CNNM2: variants seen among roughly 807,000 people sequenced by gnomAD.
CNNM2 encodes the protein metal transporter CNNM2.
CNNM2 carries 12 observed loss-of-function variants against 66.9 expected under a neutral mutation model. The ratio of observed to expected loss-of-function variants is 0.18; its 90% confidence interval spans 0.11 to 0.29. CNNM2 has a LOEUF of 0.29. CNNM2 is among the 10% of genes least tolerant of loss of function. The pLI, the probability that CNNM2 is intolerant of heterozygous loss-of-function variation, is 1.00. For missense variants in CNNM2, 705 were observed against 1,167.7 expected, an observed-to-expected ratio of 0.60 and a Z score of 5.77; for synonymous variants, 557 against 501.8, an observed-to-expected ratio of 1.11 and a Z score of -1.47.
chr10:103,028,102 G>A (rs1005847318), intron 1 of CNNM2, among the ~76,000 whole-genome samples: 2 of 152,172 alleles, frequency 1.3e-5, no homozygotes, highest in Admixed American at 6.5e-5. Context: ...GAGCAGCCTA[G>A]ATCTGCTGAA....
At chr10:103,026,475 C>T (rs925638495) in intron 1 of CNNM2, among the ~76,000 whole-genome samples, 2 of 151,848 alleles carry the variant, frequency 1.3e-5, no homozygotes, top group Non-Finnish European at 2.9e-5. Flanking sequence ...GTTGCACATA[C>T]CTGTAGTCTC....
rs78646079 is a variant in CNNM2, at chr10:103,012,639, CTT to C, written c.1622-37047_1622-37046del. Reference sequence around the variant, plus strand: ...CTCCAGCCTGGGAAACAGAGCAAGACTTTTTTTTTTTTTTTTTTTTTTAAAGA... The same window carrying C: ...CTCCAGCCTGGGAAACAGAGCAAGACTTTTTTTTTTTTTTTTTTTTAAAGA... On this transcript the variant is annotated intron_variant, in intron 1 of 7. Coordinates refer to ENST00000369878, the MANE Select transcript of CNNM2 (RefSeq NM_017649.5). 2.2e-4 allele frequency among the ~76,000 whole-genome samples: 26 copies of C among 118,034 alleles called. No individual in the cohort carries two copies. The highest frequency in any genetic ancestry group is 2.4e-4 in the East Asian group (1 of 4,138). The allele number at this position is 118,034 out of a possible 152,430, so 77.4% of individuals were successfully genotyped here.
At chr10:103,036,584 G>A (rs747912551) in intron 1 of CNNM2, among the ~76,000 whole-genome samples, 43 of 152,130 alleles carry the variant, frequency 2.8e-4, no homozygotes, top group Admixed American at 8.5e-4. Flanking sequence ...TTATCAAATC[G>A]AGGTGGGGTC....
rs569311332 is a variant in CNNM2, at chr10:103,051,339, G to A, written c.1765+1489G>A. Among the ~76,000 whole-genome samples, 6 of 152,264 alleles carry A rather than the reference G, an allele frequency of 3.9e-5. No individual in the cohort carries two copies. The South Asian group carries it at 1.2e-3, about 32-fold the overall frequency. On this transcript the variant is annotated intron_variant, in intron 2 of 7. Coordinates refer to ENST00000369878, the MANE Select transcript of CNNM2 (RefSeq NM_017649.5). ...TCAGCTACTTGGGAGGCTGAGGCAG[G>A]AGAATCACTTGAACCCGGGAGGCGG...
chr10:103,019,359 C>T (rs2064523884), intron 1 of CNNM2, among the ~76,000 whole-genome samples: 1 of 151,230 alleles, frequency 6.6e-6, no homozygotes, highest in South Asian at 2.1e-4. Flanking sequence ...ATGGAGATCA[C>T]AAGAGGGGTT....
chr10:102,997,592 T>C (rs956328829), intron 1 of CNNM2, among the ~76,000 whole-genome samples: 12 of 152,158 alleles, frequency 7.9e-5, no homozygotes, highest in African/African-American at 2.9e-4. Context: ...AGTCACATGC[T>C]GTAGACCAAC....
At chr10:103,016,256 G>A (rs1286120392) in intron 1 of CNNM2, among the ~76,000 whole-genome samples, 1 of 151,796 alleles carries the variant, frequency 6.6e-6, no homozygotes, top group Non-Finnish European at 1.5e-5. Flanking sequence ...TTTTTCTGTT[G>A]GATTACTGAT....
chr10:103,016,689 T>C (rs927395734), intron 1 of CNNM2, among the ~76,000 whole-genome samples: 2 of 152,232 alleles, frequency 1.3e-5, no homozygotes, highest in Admixed American at 1.3e-4. Context: ...ATCCTGGTCT[T>C]GAAGCCAGGC....
At chr10:103,006,635 G>T (rs1365012371) in intron 1 of CNNM2, among the ~76,000 whole-genome samples, 2 of 151,868 alleles carry the variant, frequency 1.3e-5, no homozygotes, top group African/African-American at 4.8e-5. Flanking sequence ...TCAAATGCTG[G>T]TTCTTCTTTT....
chr10:103,009,123 A>G (rs551508726), intron 1 of CNNM2, among the ~76,000 whole-genome samples: 1 of 152,128 alleles, frequency 6.6e-6, no homozygotes, highest in African/African-American at 2.4e-5. Flanking sequence ...CTAAAAATAC[A>G]AAAGTAGCCA....
intron 1 of CNNM2, among the ~76,000 whole-genome samples, chr10:102,935,381 G>T (rs1184661073): frequency 1.3e-5 from 2 of 151,932 alleles, no homozygotes; most frequent in Non-Finnish European, 2.9e-5. Flanking sequence ...AGGATCACTT[G>T]AGCCAGGAGG....
chr10:102,941,280 A>AGTT (rs150457967), intron 1 of CNNM2, among the ~76,000 whole-genome samples: 4 of 105,614 alleles, frequency 3.8e-5, no homozygotes, highest in African/African-American at 1.0e-4. Context: ...TTTTATAAAA[A>AGTT]ATTACGTAGT....
intron 1 of CNNM2, among the ~76,000 whole-genome samples, chr10:102,994,447 C>T (rs1441474016): frequency 6.6e-6 from 1 of 152,174 alleles, no homozygotes; most frequent in Non-Finnish European, 1.5e-5. Context: ...TTTTTGGGTT[C>T]TTGGGGAACA....
intron 1 of CNNM2, among the ~76,000 whole-genome samples, chr10:102,951,805 ATT>A (rs775294915): frequency 4.3e-5 from 6 of 140,310 alleles, no homozygotes; most frequent in Admixed American, 7.1e-5. Context: ...TGCCTGGCTA[ATT>A]TTTTTTTTTT....
chr10:103,031,576 G>A (rs770152295), intron 1 of CNNM2, among the ~76,000 whole-genome samples: 9 of 152,168 alleles, frequency 5.9e-5, no homozygotes, highest in Admixed American at 5.2e-4. Context: ...AAACCAAAAA[G>A]TGGCTGGTGG....
chr10:102,934,427 C>A (rs1374876824), intron 1 of CNNM2, among the ~76,000 whole-genome samples: 1 of 151,578 alleles, frequency 6.6e-6, no homozygotes, highest in Admixed American at 6.6e-5. Context: ...ACTACAGGCG[C>A]CTGCCACCAC....
intron 1 of CNNM2, among the ~76,000 whole-genome samples, chr10:102,949,961 G>A (rs2134190009): frequency 6.6e-6 from 1 of 152,286 alleles, no homozygotes; most frequent in East Asian, 1.9e-4. Context: ...TCCATGATAT[G>A]TTCCTAGCAC....
At chr10:103,000,127 T>C (rs185255151) in intron 1 of CNNM2, among the ~76,000 whole-genome samples, 157 of 152,128 alleles carry the variant, frequency 1.0e-3, no homozygotes, top group African/African-American at 3.5e-3. Flanking sequence ...TACCAGCTAC[T>C]TGGGAGGCTG....
chr10:102,958,323 G>A (rs902676939), intron 1 of CNNM2, among the ~76,000 whole-genome samples: 2 of 152,070 alleles, frequency 1.3e-5, no homozygotes, highest in African/African-American at 4.8e-5. Flanking sequence ...GCAATATTGT[G>A]CAGAAAGCAA....
Sources: allele counts gnomAD v4.1 joint callset (sites outside exome capture counted in the v4.1 genomes callset), GRCh38; gene constraint gnomAD v4.1.1; transcripts MANE v1.5; gene names NCBI Gene and HGNC (gene_info 2026-07-23, HGNC 2026-07-21).